The following COLGALT2 variants were observed in gnomAD, a reference collection of about 807,000 sequenced individuals.
COLGALT2 encodes collagen beta(1-O)galactosyltransferase 2.
COLGALT2 carries 49 observed loss-of-function variants against 73.4 expected under a neutral mutation model. The observed-to-expected ratio is 0.67, with a 90% CI of 0.53 to 0.85. The LOEUF is 0.85. Ranked by LOEUF, COLGALT2 falls within the 40% of genes least tolerant of loss-of-function variation. COLGALT2 has a pLI of 0.00. For missense variants in COLGALT2, 722 were observed against 790.2 expected (o/e 0.91, Z 1.03); for synonymous variants, 295 against 307.6 (o/e 0.96, Z 0.43).
intron 1 of COLGALT2, among the ~76,000 whole-genome samples, chr1:184,015,240 C>T (rs992171966): frequency 2.0e-5 from 3 of 152,234 alleles, no homozygotes; most frequent in Admixed American, 6.5e-5. Context: ...TTGTAGGGAA[C>T]ATGGCAGAAT....
downstream of COLGALT2, among the ~76,000 whole-genome samples, chr1:183,935,630 C>T (rs1669932030): frequency 6.6e-6 from 1 of 152,154 alleles, no homozygotes; most frequent in Admixed American, 6.5e-5. Context: ...GAATCCTTTT[C>T]AGCTTACATA....
At chr1:183,994,320 G>A (rs1008489768) in intron 1 of COLGALT2, among the ~76,000 whole-genome samples, 2 of 151,812 alleles carry the variant, frequency 1.3e-5, no homozygotes, top group Admixed American at 6.6e-5. Context: ...TTACAGGCAT[G>A]AGCCACCGCA....
chr1:183,954,804 G>T lies in COLGALT2; in HGVS notation c.987C>A (p.Val329=). 1 of 1,613,392 alleles carries T rather than the reference G, an allele frequency of 6.2e-7. No individual in the cohort carries two copies. Among genetic ancestry groups the T allele is most frequent in the South Asian group, 1.1e-5 (1 of 91,072 alleles). ...TGTCTGGATATTTAGGGACAACTGAGACATACTGGGAGGGTTCCATTGGAG... is the reference window on the plus strand; with the variant it reads ...TGTCTGGATATTTAGGGACAACTGATACATACTGGGAGGGTTCCATTGGAG... ...DRPPMEPSQY[V]SVVPKYPDKM... Residue 329 remains valine (V), a synonymous_variant, in exon 7 of 12, where the codon GTC becomes GTA. Transcript: ENST00000361927.
chr1:183,964,919 C>T (rs1001898960), intron 5 of COLGALT2, among the ~76,000 whole-genome samples: 4 of 152,094 alleles, frequency 2.6e-5, no homozygotes, highest in South Asian at 2.1e-4. Context: ...TTGTTAATTG[C>T]GATAATTGTC....
intron 1 of COLGALT2, among the ~76,000 whole-genome samples, chr1:184,007,901 T>C (rs556194367): frequency 1.2e-3 from 184 of 152,348 alleles, no homozygotes; most frequent in African/African-American, 4.0e-3. Flanking sequence ...AACAGATCCA[T>C]TTTATTAAAC....
At chr1:184,018,188 T>C (rs1649066571) in intron 1 of COLGALT2, among the ~76,000 whole-genome samples, 1 of 152,158 alleles carries the variant, frequency 6.6e-6, no homozygotes, top group Non-Finnish European at 1.5e-5. Context: ...AAAAATTATA[T>C]CTGACCAAAA....
downstream of COLGALT2, among the ~76,000 whole-genome samples, chr1:183,934,192 C>T (rs1470935791): frequency 6.6e-6 from 1 of 152,222 alleles, no homozygotes; most frequent in Non-Finnish European, 1.5e-5. Context: ...GAAAGCTCAC[C>T]TAAACTCCTC....
downstream of COLGALT2, among the ~76,000 whole-genome samples, chr1:183,932,979 C>T (rs1328344860): frequency 1.3e-5 from 2 of 152,326 alleles, no homozygotes; most frequent in Non-Finnish European, 2.9e-5. Flanking sequence ...AGGCCCTGTC[C>T]AGGGACAATG....
chr1:183,971,884 C>T (rs1294128760), intron 4 of COLGALT2, among the ~76,000 whole-genome samples: 1 of 152,194 alleles, frequency 6.6e-6, no homozygotes, highest in Admixed American at 6.5e-5. Flanking sequence ...GGCTATACTG[C>T]AGTTTACTTA....
At position 183,991,154 on chromosome 1, in the gene COLGALT2, C is replaced by T. The variant is rs575730102; in HGVS notation, c.264-12634G>A. Among the ~76,000 whole-genome samples the T allele has an allele frequency of 1.4e-4, 22 of 152,292 alleles. No individual in the cohort carries two copies. The South Asian group carries it at 4.4e-3, about 30-fold the overall frequency. On this transcript the variant is annotated intron_variant, in intron 1 of 11. Transcript: ENST00000361927. ...CATTTTCTTCATAACTTCATTTGTA[C>T]CTCCCAGATCATGTGTCCAAAGTAA...
chr1:184,011,091 C>G (rs1353678856), intron 1 of COLGALT2, among the ~76,000 whole-genome samples: 1 of 152,158 alleles, frequency 6.6e-6, no homozygotes, highest in African/African-American at 2.4e-5. Context: ...ACCAAAGAGG[C>G]TAATGGAGAT....
chr1:183,936,513 C>T lies in COLGALT2; in HGVS notation c.*2248G>A. ...TTCTTAAATCTGTCAGACCAGCTGA[C>T]AGGGGAACAGGAAAAAAAAAATTCT... On this transcript the variant is annotated 3_prime_UTR_variant, in exon 12 of 12. Coordinates refer to ENST00000361927, the MANE Select transcript of COLGALT2 (RefSeq NM_015101.4). The T allele has an allele frequency of 1.7e-5, 17 of 1,019,676 alleles. No homozygotes were observed. Among genetic ancestry groups the T allele is most frequent in the Non-Finnish European group, 2.0e-5 (17 of 852,752 alleles). 63.2% of individuals were successfully genotyped at this position (1,019,676 alleles called of 1,614,324 possible).
chr1:183,939,616 T>A (rs1345938344), intron 11 of COLGALT2, among the ~76,000 whole-genome samples: 2 of 152,188 alleles, frequency 1.3e-5, no homozygotes, highest in Admixed American at 6.5e-5. Context: ...TTGACCTCCA[T>A]GTTTCTGCTA....
chr1:183,945,352 T>G (rs1670219850), intron 9 of COLGALT2, 80 bp downstream of exon 9: 2 of 1,507,158 alleles, frequency 1.3e-6, no homozygotes, highest in Non-Finnish European at 1.8e-6. Context: ...TCACTTTACA[T>G]CTGGCCCTAA....
At chr1:183,957,668 G>A (rs987727965) in intron 6 of COLGALT2, among the ~76,000 whole-genome samples, 1 of 151,670 alleles carries the variant, frequency 6.6e-6, no homozygotes, top group Non-Finnish European at 1.5e-5. Context: ...CCGCCGCACA[G>A]CTCTGTTCTC....
intron 1 of COLGALT2, among the ~76,000 whole-genome samples, chr1:183,988,848 C>T (rs1028626937): frequency 7.2e-5 from 11 of 151,984 alleles, no homozygotes; most frequent in Admixed American, 4.6e-4. Flanking sequence ...ACCCTGAGTA[C>T]GGCTGCTCAA....
At chr1:184,013,778 C>T (rs1648895036) in intron 1 of COLGALT2, among the ~76,000 whole-genome samples, 2 of 151,890 alleles carry the variant, frequency 1.3e-5, no homozygotes, top group Admixed American at 1.3e-4. Context: ...CAGAGCAATC[C>T]ATTAGGAAAT....
chr1:184,031,299 T>C (rs533275337), intron 1 of COLGALT2, among the ~76,000 whole-genome samples: 2 of 152,350 alleles, frequency 1.3e-5, no homozygotes, highest in South Asian at 4.1e-4. Context: ...TTCTTTCTAC[T>C]GTTATGTAGC....
At chr1:183,934,428 C>G (rs1392364438), downstream of COLGALT2, among the ~76,000 whole-genome samples, 1 of 152,184 alleles carries the variant, frequency 6.6e-6, no homozygotes, top group Non-Finnish European at 1.5e-5. Context: ...CCTCCCTCAG[C>G]TGCATTTAAT....
Sources: gnomAD v4.1 joint callset for allele counts (sites outside exome capture counted in the v4.1 genomes callset) on GRCh38, gnomAD v4.1.1 for gene constraint, MANE v1.5 for transcripts, NCBI Gene and HGNC (gene_info 2026-07-23, HGNC 2026-07-21) for gene names.